The following TBCD variants were observed in gnomAD, a reference collection of about 807,000 sequenced individuals.
The protein encoded by TBCD is tubulin folding cofactor D.
TBCD carries 105 observed loss-of-function variants against 169.3 expected under a neutral mutation model. That is an observed-to-expected ratio of 0.62 (90% CI 0.53 to 0.73). The LOEUF is 0.73. Among genes scored for constraint, TBCD ranks in the 30% least tolerant of loss-of-function variants. The pLI, the probability that TBCD is intolerant of heterozygous loss-of-function variation, is 0.00. For missense variants in TBCD, 1,444 were observed against 1,600.1 expected (o/e 0.90, Z 1.66); for synonymous variants, 700 against 643.9 (o/e 1.09, Z -1.32).
At chr17:82,932,541 T>G (rs1447289675) in intron 33 of TBCD, 117 bp from the exon 34 acceptor site, 2 of 809,006 alleles carry the variant, frequency 2.5e-6, no homozygotes, top group Non-Finnish European at 4.2e-6. Context: ...CGTTTCCACG[T>G]AAATTATAAA....
At chr17:82,769,465 C>T (rs2048191817) in intron 5 of TBCD, among the ~76,000 whole-genome samples, 1 of 152,224 alleles carries the variant, frequency 6.6e-6, no homozygotes, top group Non-Finnish European at 1.5e-5. Flanking sequence ...TTGTCTCGGT[C>T]TTCCTGCCAC....
At chr17:82,873,037 G>T (rs2057722529) in intron 14 of TBCD, among the ~76,000 whole-genome samples, 1 of 151,560 alleles carries the variant, frequency 6.6e-6, no homozygotes, top group Admixed American at 6.6e-5. Flanking sequence ...CAGCTCCCAG[G>T]CCCTGGCCCG....
Position 82,884,246 on chromosome 17 carries a change from G to A in TBCD, c.1533+44G>A, listed in dbSNP as rs1390822768. The A allele has an allele frequency of 1.3e-6, 2 of 1,541,494 alleles. No individual in the cohort carries two copies. Among genetic ancestry groups the A allele is most frequent in the African/African-American group, 1.4e-5 (1 of 73,232 alleles). ...ATATTTCCTTTCCTGAAGGTGGGGG[G>A]TGGGCCTGGTCTCCCTGATGCTCCT... On this transcript the variant is annotated intron_variant, in intron 15 of 38. Coordinates refer to ENST00000355528, the MANE Select transcript of TBCD (RefSeq NM_005993.5). The surrounding 1 kb of genome is among the most constrained non-coding windows in gnomAD (Gnocchi z 4.2).
rs2048013005 is a variant in TBCD, at chr17:82,766,323, G to C, written c.390G>C (p.Glu130Asp). ...RLFPHEVADVEPVLDLVTIQN... is the reference protein window; with the variant it reads ...RLFPHEVADVDPVLDLVTIQN... The stretch of plus-strand genomic sequence containing the variant: ...TTCCTCATGAAGTTGCCGATGTAGA[G>C]CCTGTTTTAGATTTGGTCACAATTC... Residue 130 changes from glutamate to aspartate, a missense_variant, in exon 4 of 39, where the codon GAG becomes GAC. By Grantham distance (45) the Glu-to-Asp change is conservative. Transcript: ENST00000355528. 6.2e-7 allele frequency: 1 copy of C among 1,613,360 alleles called. No individual in the cohort carries two copies. Among genetic ancestry groups the C allele is most frequent in the Non-Finnish European group, 8.5e-7 (1 of 1,179,688 alleles).
intron 13 of TBCD, chr17:82,830,137 C>A: frequency 6.2e-7 from 1 of 1,613,382 alleles, no homozygotes. Context: ...CGTGTGAACC[C>A]GGCGTTAGGA....
rs529986182 is a variant in TBCD at position 82,754,377 on chromosome 17, A to C, written c.185-1788A>C. On this transcript the variant is annotated intron_variant, in intron 1 of 38. Transcript: ENST00000355528. ...GAGCTATCATGGGTCCGTGGATCCT[A>C]GTGTAGGTGTCAGACATGGAAACAA... Among the ~76,000 whole-genome samples, 9 of 152,238 alleles carry C rather than the reference A, an allele frequency of 5.9e-5. No individual in the cohort carries two copies. The South Asian group carries it at 1.9e-3, about 32-fold the overall frequency.
At chr17:82,846,363 G>T (rs992768532) in intron 13 of TBCD, among the ~76,000 whole-genome samples, 1 of 150,480 alleles carries the variant, frequency 6.6e-6, no homozygotes, top group Non-Finnish European at 1.5e-5. Context: ...CCCTCCATGC[G>T]CTGTGTCCCA....
chr17:82,859,076 C>G (rs2056549438), intron 13 of TBCD, among the ~76,000 whole-genome samples: 1 of 152,122 alleles, frequency 6.6e-6, no homozygotes. Flanking sequence ...CCTCCCCGCA[C>G]TGGCTTTTAG....
At chr17:82,919,433 G>A (rs933000620) in intron 23 of TBCD, among the ~76,000 whole-genome samples, 1 of 152,144 alleles carries the variant, frequency 6.6e-6, no homozygotes, top group Non-Finnish European at 1.5e-5. Flanking sequence ...GAGAATAAAC[G>A]TCTGTTCTAC....
intron 27 of TBCD, 33 bp from the exon 28 acceptor site, chr17:82,926,367 A>C: frequency 6.2e-7 from 1 of 1,603,508 alleles, no homozygotes; most frequent in Non-Finnish European, 8.5e-7. Flanking sequence ...GTTATAGCTT[A>C]TGGTTCTTCT....
chr17:82,927,165 C>G, intron 28 of TBCD, 21 bp from the exon 29 acceptor site: 1 of 1,613,796 alleles, frequency 6.2e-7, no homozygotes, highest in Non-Finnish European at 8.5e-7. Flanking sequence ...TGTTTGTTAG[C>G]TCACACATTT....
intron 17 of TBCD, among the ~76,000 whole-genome samples, chr17:82,897,241 C>T (rs552793845): frequency 1.4e-4 from 22 of 152,012 alleles, no homozygotes; most frequent in African/African-American, 5.1e-4. Flanking sequence ...AGCTTTGGGC[C>T]GGGTGCGGTG....
Position 82,864,242 on chromosome 17 carries a change from A to G in TBCD, c.1319-5982A>G, listed in dbSNP as rs1038727702. 1.6e-4 allele frequency: 25 copies of G among 152,330 alleles called. No homozygotes were observed. The highest frequency in any genetic ancestry group is 7.3e-5 in the Non-Finnish European group (5 of 68,042). The allele number at this position is 152,330 out of a possible 1,614,324, so 9.4% of individuals were successfully genotyped here. ...CTTCCAGGGCTCTTTGAAGCGTCTC[A>G]CTTTTTAATTTCATGAAGAAACAAA... On this transcript the variant is annotated intron_variant, in intron 13 of 38. Coordinates refer to ENST00000355528, the MANE Select transcript of TBCD (RefSeq NM_005993.5). This position sits in a 1 kb window ranked among gnomAD's most constrained non-coding sequence, Gnocchi z 6.3.
At position 82,890,567 on chromosome 17, in the gene TBCD, T is replaced by C. The variant is rs1432760662; in HGVS notation, c.1563+870T>C. On this transcript the variant is annotated intron_variant, in intron 16 of 38. Transcript: ENST00000355528. This position sits in a 1 kb window ranked among gnomAD's most constrained non-coding sequence, Gnocchi z 5.3. ...GGAAAAGCCGGATGCCAGAGTCAGC[T>C]GGAGAGGCGGGCGGACGAGGACTTG... Among the ~76,000 whole-genome samples, 1 of 152,122 alleles carries C rather than the reference T, an allele frequency of 6.6e-6. No individual in the cohort carries two copies. The highest frequency in any genetic ancestry group is 2.4e-5 in the African/African-American group (1 of 41,418).
At chr17:82,882,197 G>A (rs1333852623) in intron 14 of TBCD, among the ~76,000 whole-genome samples, 3 of 152,224 alleles carry the variant, frequency 2.0e-5, no homozygotes, top group African/African-American at 7.2e-5. Context: ...GCTCCTCCTT[G>A]TTTGCTGTGG....
In TBCD at chr17:82,756,207, C is replaced by T. The variant is rs778788163; in HGVS notation, c.227C>T (p.Pro76Leu). Residue 76 changes from proline to leucine, a missense_variant, in exon 2 of 39, where the codon CCG becomes CTG. By Grantham distance (98) the Pro-to-Leu change is moderately conservative (BLOSUM62 -3). Coordinates refer to ENST00000355528, the MANE Select transcript of TBCD (RefSeq NM_005993.5). Reference protein sequence around the residue: ...KYQEQPHLLDPHLEWMMNLLL... With the variant: ...KYQEQPHLLDLHLEWMMNLLL... ...CAGGAGCAGCCTCATCTGTTGGACC[C>T]GCACCTTGGTAAGAATAGAAGCTGC... The T allele has an allele frequency of 1.6e-5, 25 of 1,609,908 alleles. No individual in the cohort carries two copies. Among genetic ancestry groups the T allele is most frequent in the Non-Finnish European group, 2.0e-5 (23 of 1,178,020 alleles).
At position 82,756,036 on chromosome 17, in the gene TBCD, T is replaced by C; in HGVS notation, c.185-129T>C. 3.8e-6 allele frequency: 3 copies of C among 782,596 alleles called. No homozygotes were observed. In the East Asian group the frequency reaches 8.1e-5, roughly 21 times the overall value. 48.5% of individuals were successfully genotyped at this position (782,596 alleles called of 1,614,324 possible). ...TGGCCTCCTTTAGTGAGAGGGGAGGTGTGCTCTTGAGAGCTGGGGAAGAGG... is the reference window on the plus strand; with the variant it reads ...TGGCCTCCTTTAGTGAGAGGGGAGGCGTGCTCTTGAGAGCTGGGGAAGAGG... On this transcript the variant is annotated intron_variant, in intron 1 of 38. Transcript: ENST00000355528.
At chr17:82,940,971 C>T (rs1417341796) in intron 37 of TBCD, among the ~76,000 whole-genome samples, 2 of 152,114 alleles carry the variant, frequency 1.3e-5, no homozygotes, top group African/African-American at 4.8e-5. Context: ...AAAAAAAAAT[C>T]CTTAGAATTT....
chr17:82,788,535 A>T (rs533211241), intron 7 of TBCD, among the ~76,000 whole-genome samples: 1 of 152,264 alleles, frequency 6.6e-6, no homozygotes, highest in East Asian at 1.9e-4. Flanking sequence ...TATCATTGAC[A>T]AAAGCACAAC....
Sources: allele counts gnomAD v4.1 joint callset (sites outside exome capture counted in the v4.1 genomes callset), GRCh38; gene constraint gnomAD v4.1.1; non-coding constraint Gnocchi (gnomAD v3.1); transcripts MANE v1.5; gene names NCBI Gene and HGNC (gene_info 2026-07-23, HGNC 2026-07-21).